TPH2: variants seen among roughly 807,000 people sequenced by gnomAD.
TPH2 encodes tryptophan hydroxylase 2.
TPH2 carries 27 observed loss-of-function variants against 59.1 expected under a neutral mutation model. The observed-to-expected ratio is 0.46, with a 90% CI of 0.34 to 0.63. TPH2 has a LOEUF of 0.63. Among genes scored for constraint, TPH2 ranks in the 30% least tolerant of loss-of-function variants. TPH2 has a pLI of 0.01. For synonymous variants in TPH2, 220 were observed against 210.5 expected (o/e 1.05, Z -0.39); for missense variants, 523 against 588.3 (o/e 0.89, Z 1.15).
intron 7 of TPH2, among the ~76,000 whole-genome samples, chr12:71,985,210 G>C (rs760867281): frequency 1.3e-5 from 2 of 152,208 alleles, no homozygotes; most frequent in Non-Finnish European, 2.9e-5. Context: ...TGGTAAGTAC[G>C]TGAGTCAGGG....
chr12:71,996,069 T>A (rs997444112), intron 8 of TPH2, among the ~76,000 whole-genome samples: 1 of 152,226 alleles, frequency 6.6e-6, no homozygotes, highest in African/African-American at 2.4e-5. Flanking sequence ...AGCTGAGTGG[T>A]TCTGGCTCAG....
chr12:72,000,940 C>T (rs994130561), intron 8 of TPH2, among the ~76,000 whole-genome samples: 1 of 152,146 alleles, frequency 6.6e-6, no homozygotes, highest in African/African-American at 2.4e-5. Flanking sequence ...TTTCTCTTCC[C>T]CCAAATGTTA....
At chr12:71,998,070 G>C (rs980089079) in intron 8 of TPH2, among the ~76,000 whole-genome samples, 9 of 152,182 alleles carry the variant, frequency 5.9e-5, no homozygotes, top group African/African-American at 2.2e-4. Flanking sequence ...AAGTTTAAAA[G>C]AAAGTGTAAA....
chr12:71,943,993 GAT>G (rs1466124412), intron 2 of TPH2, among the ~76,000 whole-genome samples: 1 of 152,034 alleles, frequency 6.6e-6, no homozygotes, highest in Non-Finnish European at 1.5e-5. Flanking sequence ...CCACCTGTGG[GAT>G]GTGTACCACT....
intron 5 of TPH2, among the ~76,000 whole-genome samples, chr12:71,955,177 T>A (rs1466379526): frequency 7.2e-5 from 11 of 152,152 alleles, no homozygotes; most frequent in Non-Finnish European, 1.6e-4. Flanking sequence ...AGTTGGACAA[T>A]TCCTTAATTT....
chr12:71,944,039 C>T (rs1871139365), intron 2 of TPH2, among the ~76,000 whole-genome samples: 1 of 151,934 alleles, frequency 6.6e-6, no homozygotes, highest in Admixed American at 6.6e-5. Context: ...TTTACAGGGC[C>T]ACTTTATATT....
In TPH2 at chr12:71,944,802, C is replaced by T. The variant is rs1313577287; in HGVS notation, c.540+116C>T. On this transcript the variant is annotated intron_variant, in intron 4 of 10. Coordinates refer to ENST00000333850, the MANE Select transcript of TPH2 (RefSeq NM_173353.4). Reference sequence around the variant, plus strand: ...ATTATAGAACAATTTATTATTTATTCCCCATAACTGAGAGCAGACTTCCAA... The same window carrying T: ...ATTATAGAACAATTTATTATTTATTTCCCATAACTGAGAGCAGACTTCCAA... The T allele has an allele frequency of 6.1e-6, 6 of 990,596 alleles. No individual in the cohort carries two copies. The East Asian group carries it at 9.8e-5, about 16-fold the overall frequency. 61.4% of individuals were successfully genotyped at this position (990,596 alleles called of 1,614,324 possible). A position where few individuals can be genotyped will look rare whatever the true frequency, so the allele number is the denominator to read the frequency against.
intron 6 of TPH2, among the ~76,000 whole-genome samples, chr12:71,978,498 A>T (rs1292860685): frequency 6.6e-6 from 1 of 152,214 alleles, no homozygotes. Flanking sequence ...TGGCAATAGA[A>T]AGCCTCAGTA....
intron 5 of TPH2, chr12:71,961,428 C>T (rs1871679232): frequency 1.2e-6 from 1 of 813,258 alleles, no homozygotes; most frequent in Non-Finnish European, 1.7e-6. Context: ...AATCACGCTT[C>T]TTCATCTATC....
At chr12:71,989,020 C>T (rs541086232) in intron 7 of TPH2, among the ~76,000 whole-genome samples, 27 of 149,592 alleles carry the variant, frequency 1.8e-4, no homozygotes, top group African/African-American at 6.7e-4. Flanking sequence ...AGAGAAACAT[C>T]AGTGCACATC....
At position 71,998,949 on chromosome 12, in the gene TPH2, C is replaced by T. The variant is rs2139225612; in HGVS notation, c.1068+4384C>T. Among the ~76,000 whole-genome samples, 3 of 152,242 alleles carry T rather than the reference C, an allele frequency of 2.0e-5. No homozygotes were observed. The Middle Eastern group carries it at 0.01, about 518-fold the overall frequency. On this transcript the variant is annotated intron_variant, in intron 8 of 10. Transcript: ENST00000333850. ...TATTAATGACTCTTTTTCTATAGTGCCTGCTTTTCCTTATTTAGTGAATTT... is the reference window on the plus strand; with the variant it reads ...TATTAATGACTCTTTTTCTATAGTGTCTGCTTTTCCTTATTTAGTGAATTT...
intron 7 of TPH2, among the ~76,000 whole-genome samples, chr12:71,989,681 C>T (rs1028557438): frequency 7.2e-5 from 11 of 152,144 alleles, no homozygotes; most frequent in Non-Finnish European, 1.0e-4. Flanking sequence ...TTGTTCAACG[C>T]GTAGTGTGAA....
intron 6 of TPH2, among the ~76,000 whole-genome samples, chr12:71,975,068 A>C (rs1380898422): frequency 2.0e-5 from 3 of 152,136 alleles, no homozygotes; most frequent in Non-Finnish European, 2.9e-5. Flanking sequence ...AAAATATAAA[A>C]ACTGGCTAGG....
chr12:72,011,032 G>C (rs1204921520), intron 8 of TPH2, among the ~76,000 whole-genome samples: 1 of 152,198 alleles, frequency 6.6e-6, no homozygotes, highest in East Asian at 1.9e-4. Flanking sequence ...TAAATGGAAT[G>C]CTGATCCATG....
chr12:71,942,365 G>A (rs1320228412), intron 2 of TPH2, among the ~76,000 whole-genome samples: 1 of 152,164 alleles, frequency 6.6e-6, no homozygotes. Flanking sequence ...CAGAAAAGCT[G>A]TTGTGTTCTT....
At chr12:72,001,354 T>C (rs1422788281) in intron 8 of TPH2, among the ~76,000 whole-genome samples, 4 of 152,084 alleles carry the variant, frequency 2.6e-5, no homozygotes, top group Non-Finnish European at 4.4e-5. Flanking sequence ...AATGGCATTA[T>C]GAGTTCTGTA....
At chr12:71,941,919 T>C (rs1178998376) in intron 2 of TPH2, among the ~76,000 whole-genome samples, 186 bp downstream of exon 2, 1 of 152,204 alleles carries the variant, frequency 6.6e-6, no homozygotes, top group Admixed American at 6.5e-5. Flanking sequence ...CAGAATTGCC[T>C]AAGCTGTGGC....
chr12:72,019,340 A>G (rs1873347760), intron 8 of TPH2, among the ~76,000 whole-genome samples: 3 of 152,142 alleles, frequency 2.0e-5, no homozygotes, highest in Admixed American at 2.0e-4. Context: ...AAGTTAGTAC[A>G]TATCTTTCTC....
chr12:71,984,600 C>G (rs760903127), intron 7 of TPH2, among the ~76,000 whole-genome samples: 12 of 152,168 alleles, frequency 7.9e-5, no homozygotes, highest in Non-Finnish European at 1.8e-4. Flanking sequence ...CGGAGTTTAA[C>G]CTGCATGCCC....
Sources: gnomAD v4.1 joint callset for allele counts (sites outside exome capture counted in the v4.1 genomes callset) on GRCh38, gnomAD v4.1.1 for gene constraint, MANE v1.5 for transcripts, NCBI Gene and HGNC (gene_info 2026-07-23, HGNC 2026-07-21) for gene names.